Variants in PRKCB observed in about 807,000 individuals in gnomAD.
The protein encoded by PRKCB is protein kinase C beta type.
A neutral mutation model predicts 81.5 loss-of-function variants in PRKCB; 13 were observed. The ratio of observed to expected loss-of-function variants is 0.16; its 90% CI spans 0.10 to 0.25. The LOEUF is 0.25. PRKCB is among the 10% of genes least tolerant of loss of function. The pLI, the probability that PRKCB is intolerant of heterozygous loss-of-function variation, is 1.00. For synonymous variants in PRKCB, 335 were observed against 321.4 expected (o/e 1.04, Z -0.45); for missense variants, 509 against 875.7 (o/e 0.58, Z 5.29).
chr16:24,025,373 T>C (rs775490049), intron 3 of PRKCB, among the ~76,000 whole-genome samples: 3 of 152,234 alleles, frequency 2.0e-5, no homozygotes, highest in Admixed American at 6.5e-5. Flanking sequence ...GTATGTACTT[T>C]ATAGGGCTGT....
At chr16:23,982,968 G>C (rs1964757797) in intron 2 of PRKCB, among the ~76,000 whole-genome samples, 1 of 152,102 alleles carries the variant, frequency 6.6e-6, no homozygotes, top group South Asian at 2.1e-4. Flanking sequence ...GGGTCAGAGG[G>C]CTGCAGGCTT....
chr16:23,962,838 G>T (rs1398629437), intron 2 of PRKCB: 1 of 151,742 alleles, frequency 6.6e-6, no homozygotes, highest in Non-Finnish European at 1.5e-5. Context: ...AGATTTTGGT[G>T]CACCCATCAC....
At chr16:23,988,926 T>G (rs1295050724) in intron 3 of PRKCB, among the ~76,000 whole-genome samples, 2 of 152,124 alleles carry the variant, frequency 1.3e-5, no homozygotes, top group East Asian at 3.9e-4. Context: ...GTTATGGCAC[T>G]TTGTTAGGGT....
intron 16 of PRKCB, among the ~76,000 whole-genome samples, chr16:24,208,701 T>G (rs934959315): frequency 1.3e-5 from 2 of 151,908 alleles, no homozygotes; most frequent in African/African-American, 2.4e-5. Context: ...TTTAATTAGA[T>G]CCCAGCCACT....
chr16:24,035,320 A>C (rs2141857246), intron 4 of PRKCB, 99 bp from the exon 5 acceptor site: 1 of 1,461,240 alleles, frequency 6.8e-7, no homozygotes, highest in Non-Finnish European at 9.3e-7. Context: ...GTCTCAAAGG[A>C]GGGAAACAGG....
At chr16:24,185,306 C>A in intron 14 of PRKCB, 115 bp downstream of exon 14, 2 of 1,243,498 alleles carry the variant, frequency 1.6e-6, no homozygotes, top group African/African-American at 1.5e-5. Flanking sequence ...CTATGACTTT[C>A]CCGGCCTTGG....
At chr16:23,992,397 G>T (rs1429285083) in intron 3 of PRKCB, among the ~76,000 whole-genome samples, 1 of 152,138 alleles carries the variant, frequency 6.6e-6, no homozygotes, top group Non-Finnish European at 1.5e-5. Context: ...GTAGTAAAGA[G>T]AGCCTGGATA....
Position 24,217,896 on chromosome 16 carries a change from C to G in PRKCB, c.*3080C>G. The G allele has an allele frequency of 1.0e-6, 1 of 985,358 alleles. No individual in the cohort carries two copies. Among genetic ancestry groups the G allele is most frequent in the Non-Finnish European group, 1.2e-6 (1 of 829,916 alleles). The allele number at this position is 985,358 out of a possible 1,614,324, so 61.0% of individuals were successfully genotyped here. A position where few individuals can be genotyped will look rare whatever the true frequency, so the allele number is the denominator to read the frequency against. Reference sequence around the variant, plus strand: ...AGTTCATACAGGGGTTCAAAAGGGACAGTGGCCCATTTGGGAGACCTTTAG... The same window carrying G: ...AGTTCATACAGGGGTTCAAAAGGGAGAGTGGCCCATTTGGGAGACCTTTAG... On this transcript the variant is annotated 3_prime_UTR_variant, in exon 17 of 17. Coordinates refer to ENST00000643927, the MANE Select transcript of PRKCB (RefSeq NM_002738.7).
At chr16:23,987,849 A>G (rs1163227074) in intron 2 of PRKCB, among the ~76,000 whole-genome samples, 1 of 152,156 alleles carries the variant, frequency 6.6e-6, no homozygotes, top group African/African-American at 2.4e-5. Context: ...CTTTCATTGT[A>G]CCTCCCCCAG....
intron 7 of PRKCB, among the ~76,000 whole-genome samples, chr16:24,106,248 T>A (rs1966577440): frequency 6.6e-6 from 1 of 152,222 alleles, no homozygotes; most frequent in Admixed American, 6.5e-5. Context: ...TTGGAGATAA[T>A]AGTCGTAATT....
At position 24,219,152 on chromosome 16, in the gene PRKCB, G is replaced by A; in HGVS notation, c.*4336G>A. The stretch of plus-strand genomic sequence containing the variant: ...CTGGTGAGACTTGCCCCAAGCAATT[G>A]CTAGTAAATGGGGGTTAATTTCTTC... On this transcript the variant is annotated 3_prime_UTR_variant, in exon 17 of 17. Coordinates refer to ENST00000643927, the MANE Select transcript of PRKCB (RefSeq NM_002738.7). The A allele has an allele frequency of 1.0e-6, 1 of 985,218 alleles. No homozygotes were observed. The highest frequency in any genetic ancestry group is 4.7e-5 in the South Asian group (1 of 21,280). The allele number at this position is 985,218 out of a possible 1,614,324, so 61.0% of individuals were successfully genotyped here.
At chr16:24,026,535 G>T (rs1965482378) in intron 3 of PRKCB, among the ~76,000 whole-genome samples, 1 of 152,174 alleles carries the variant, frequency 6.6e-6, no homozygotes, top group Non-Finnish European at 1.5e-5. Flanking sequence ...TTTTGCCCCA[G>T]ATCTTAAAGT....
chr16:24,143,569 G>A (rs1252676870), intron 9 of PRKCB, among the ~76,000 whole-genome samples: 1 of 151,966 alleles, frequency 6.6e-6, no homozygotes, highest in East Asian at 1.9e-4. Flanking sequence ...GCATGGGAGA[G>A]GGAACTAGGG....
intron 2 of PRKCB, among the ~76,000 whole-genome samples, chr16:23,964,147 A>G (rs1964458505): frequency 6.6e-6 from 1 of 152,282 alleles, no homozygotes; most frequent in Non-Finnish European, 1.5e-5. Context: ...AATTCAATTT[A>G]TCATGCACAG....
chr16:24,122,870 CAA>C (rs1444425470), intron 8 of PRKCB, among the ~76,000 whole-genome samples: 1 of 152,144 alleles, frequency 6.6e-6, no homozygotes, highest in African/African-American at 2.4e-5. Context: ...TGCCTCATTC[CAA>C]AGCACCTGCT....
At chr16:23,980,226 A>G (rs1359374407) in intron 2 of PRKCB, among the ~76,000 whole-genome samples, 1 of 152,276 alleles carries the variant, frequency 6.6e-6, no homozygotes, top group African/African-American at 2.4e-5. Flanking sequence ...GAGACCAGCC[A>G]TTGGGCAGAA....
Position 24,210,620 on chromosome 16 carries a change from C to A in PRKCB, c.1864-4038C>A, listed in dbSNP as rs190055590. Among the ~76,000 whole-genome samples the A allele has an allele frequency of 2.0e-3, 305 of 152,032 alleles. 4 individuals carry two copies. Among genetic ancestry groups the A allele is most frequent in the African/African-American group, 7.1e-3 (295 of 41,452 alleles). On this transcript the variant is annotated intron_variant, in intron 16 of 16. Transcript: ENST00000643927. Reference sequence around the variant, plus strand: ...CTCAAGTGATCCCCCCACCACAGTCCTCCTGAGTAGCTGGGACCACAGGTG... The same window carrying A: ...CTCAAGTGATCCCCCCACCACAGTCATCCTGAGTAGCTGGGACCACAGGTG...
At chr16:24,055,910 C>T (rs982087650) in intron 5 of PRKCB, among the ~76,000 whole-genome samples, 1 of 152,160 alleles carries the variant, frequency 6.6e-6, no homozygotes, top group Non-Finnish European at 1.5e-5. Flanking sequence ...CAGTGCTGGG[C>T]TCTTTACCTG....
intron 10 of PRKCB, among the ~76,000 whole-genome samples, chr16:24,159,366 G>T (rs1388940377): frequency 6.6e-6 from 1 of 152,162 alleles, no homozygotes; most frequent in African/African-American, 2.4e-5. Context: ...ACATCATGTT[G>T]AGTTGCCACC....
Sources: gnomAD v4.1 joint callset for allele counts (sites outside exome capture counted in the v4.1 genomes callset) on GRCh38, gnomAD v4.1.1 for gene constraint, MANE v1.5 for transcripts, NCBI Gene and HGNC (gene_info 2026-07-23, HGNC 2026-07-21) for gene names.